DGKD: variants seen among roughly 807,000 people sequenced by gnomAD.
The protein encoded by DGKD is diacylglycerol kinase delta, also known as DAG kinase delta.
In DGKD, 68 loss-of-function variants were observed where a neutral mutation model predicts 154.4. The ratio of observed to expected loss-of-function variants is 0.44; its 90% confidence interval spans 0.36 to 0.54. DGKD has a LOEUF of 0.54. DGKD is among the 20% of genes least tolerant of loss of function. The pLI is 0.00. For synonymous variants in DGKD, 693 were observed against 638.0 expected, an observed-to-expected ratio of 1.09 and a Z score of -1.30; for missense variants, 1,343 against 1,593.6, an observed-to-expected ratio of 0.84 and a Z score of 2.68.
chr2:233,440,710 G>C lies in DGKD; in HGVS notation c.1086-1177G>C, dbSNP rs577630145. Among the ~76,000 whole-genome samples the C allele has an allele frequency of 6.6e-6, 1 of 152,332 alleles. No individual in the cohort carries two copies. Among genetic ancestry groups the C allele is most frequent in the Non-Finnish European group, 1.5e-5 (1 of 68,032 alleles). ...GCCGTCAGGGAGGGCTGCGGGTGCT[G>C]GCCAAGAGGTTCGACTCCTTCCTGC... On this transcript the variant is annotated intron_variant, in intron 9 of 29. Transcript: ENST00000264057. The surrounding 1 kb of genome is among the most constrained non-coding windows in gnomAD (Gnocchi z 4.9).
rs1054587159 is a variant in DGKD, at chr2:233,469,529, G to T, written c.*69G>T. 1.4e-6 allele frequency: 2 copies of T among 1,405,808 alleles called. No homozygotes were observed. 87.1% of individuals were successfully genotyped at this position (1,405,808 alleles called of 1,614,324 possible). ...GGCCTAGCCTCCGCCCTCTCAGCCT[G>T]TGGCCTCTGCGCCTCCTGCCACTGA... On this transcript the variant is annotated 3_prime_UTR_variant, in exon 30 of 30. Transcript: ENST00000264057.
chr2:233,437,465 G>C lies in DGKD; in HGVS notation c.908G>C (p.Ser303Thr). 1 of 1,614,050 alleles carries C rather than the reference G, an allele frequency of 6.2e-7. No individual in the cohort carries two copies. The highest frequency in any genetic ancestry group is 8.5e-7 in the Non-Finnish European group (1 of 1,179,906). The change falls in exon 8 of 30, where the codon AGC (serine) becomes ACC (threonine). Residue 303 changes from serine (S) to threonine (T), a missense_variant. Around this residue, in one of 6 missense-constraint regions of DGKD, gnomAD observed 332 missense variants for 400.1 expected, o/e 0.83. Transcript: ENST00000264057. ...VSVIPPTALNSIDSDGFWKAS... is the reference protein window; with the variant it reads ...VSVIPPTALNTIDSDGFWKAS... ...GTCATCCCACCCACGGCTCTCAACAGCATCGACTCCGATGGTGGGTACCAC... is the reference window on the plus strand; with the variant it reads ...GTCATCCCACCCACGGCTCTCAACACCATCGACTCCGATGGTGGGTACCAC...
chr2:233,368,960 A>G (rs1005696688), intron 1 of DGKD, among the ~76,000 whole-genome samples: 16 of 152,284 alleles, frequency 1.1e-4, no homozygotes, highest in African/African-American at 3.4e-4. Context: ...ATTGCTGCCC[A>G]TTTCCTGCCA....
chr2:233,437,703 G>A (rs562999062), intron 8 of DGKD, among the ~76,000 whole-genome samples: 13 of 152,326 alleles, frequency 8.5e-5, no homozygotes, highest in Non-Finnish European at 1.3e-4. Flanking sequence ...GGCACTTGAC[G>A]TGGAGGTGAT....
chr2:233,417,767 G>A (rs2061995077), intron 3 of DGKD, among the ~76,000 whole-genome samples: 1 of 152,156 alleles, frequency 6.6e-6, no homozygotes, highest in Non-Finnish European at 1.5e-5. Flanking sequence ...TAGGGATAAG[G>A]CAGTGGGGGA....
intron 3 of DGKD, among the ~76,000 whole-genome samples, chr2:233,400,301 A>AGG (rs2061528001): frequency 6.6e-6 from 1 of 152,248 alleles, no homozygotes; most frequent in Non-Finnish European, 1.5e-5. Context: ...TGTCTACAGG[A>AGG]CAGCGGGAGG....
chr2:233,444,352 G>A (rs932912356), intron 10 of DGKD, among the ~76,000 whole-genome samples: 2 of 152,110 alleles, frequency 1.3e-5, no homozygotes, highest in East Asian at 1.9e-4. Flanking sequence ...TCACCCAGGC[G>A]ACCTTTCCCG....
Position 233,458,416 on chromosome 2 carries a change from G to A in DGKD, c.2694+19G>A. On this transcript the variant is annotated intron_variant, in intron 22 of 29. Transcript: ENST00000264057. This position sits in a 1 kb window ranked among gnomAD's most constrained non-coding sequence, Gnocchi z 6.6. ...CGCCCAGGTAGTGGCCATGGTCCTG[G>A]GGTGTCTGGCCGAGTCCCCAGCCCG... The A allele has an allele frequency of 6.3e-7, 1 of 1,583,380 alleles. No homozygotes were observed. Among genetic ancestry groups the A allele is most frequent in the Non-Finnish European group, 8.6e-7 (1 of 1,161,084 alleles).
chr2:233,413,566 G>A (rs902376125), intron 3 of DGKD, among the ~76,000 whole-genome samples: 2 of 152,144 alleles, frequency 1.3e-5, no homozygotes, highest in African/African-American at 4.8e-5. Flanking sequence ...CAGCGCCCCC[G>A]AACCATGCCT....
At chr2:233,397,810 G>GA (rs889477077) in intron 3 of DGKD, among the ~76,000 whole-genome samples, 4 of 151,942 alleles carry the variant, frequency 2.6e-5, no homozygotes, top group African/African-American at 9.7e-5. Flanking sequence ...GTGTCTAGGG[G>GA]GCAGTGGGCA....
Position 233,446,772 on chromosome 2 carries a change from C to G in DGKD, c.1395C>G (p.Thr465=), listed in dbSNP as rs138695274. The part of the protein sequence containing the change: ...LPRQASSSTV[T]EDFSEDSEVQ... Reference sequence around the variant, plus strand: ...GGCAGGCCTCCTCCTCTACCGTCACCGAAGACTTCAGCGAGGATTCCGAGG... The same window carrying G: ...GGCAGGCCTCCTCCTCTACCGTCACGGAAGACTTCAGCGAGGATTCCGAGG... The change falls in exon 12 of 30, where the codon ACC becomes ACG. Residue 465 remains threonine, a synonymous_variant. Coordinates refer to ENST00000264057, the MANE Select transcript of DGKD (RefSeq NM_152879.3). The G allele has an allele frequency of 1.9e-6, 3 of 1,614,206 alleles. No individual in the cohort carries two copies. Among genetic ancestry groups the G allele is most frequent in the Non-Finnish European group, 2.5e-6 (3 of 1,180,040 alleles).
chr2:233,460,709 T>G (rs1240419181), intron 24 of DGKD, among the ~76,000 whole-genome samples: 1 of 152,096 alleles, frequency 6.6e-6, no homozygotes, highest in Non-Finnish European at 1.5e-5. Context: ...GCTAACATGG[T>G]GAAACCCCGT....
Position 233,434,288 on chromosome 2 carries a change from ATG to A in DGKD, c.349-90_349-89del, listed in dbSNP as rs2062619683. Reference sequence around the variant, plus strand: ...ATACCTGAATGAAATAGTAATTTTTATGTCTGTGTGAGGTCGGTTTTAAGAAA... The same window carrying A: ...ATACCTGAATGAAATAGTAATTTTTATCTGTGTGAGGTCGGTTTTAAGAAA... On this transcript the variant is annotated intron_variant, in intron 3 of 29. Transcript: ENST00000264057. 14 of 908,630 alleles carry A rather than the reference ATG, an allele frequency of 1.5e-5. No homozygotes were observed. The South Asian group carries it at 2.3e-4, about 15-fold the overall frequency. 56.3% of individuals were successfully genotyped at this position (908,630 alleles called of 1,614,324 possible).
At chr2:233,378,463 T>C (rs1347074801) in intron 1 of DGKD, among the ~76,000 whole-genome samples, 1 of 151,410 alleles carries the variant, frequency 6.6e-6, no homozygotes, top group African/African-American at 2.4e-5. Context: ...TTGCCTAGGC[T>C]GGTCTCAAAC....
At chr2:233,427,645 T>C (rs753218107) in intron 3 of DGKD, among the ~76,000 whole-genome samples, 2 of 152,260 alleles carry the variant, frequency 1.3e-5, no homozygotes, top group Non-Finnish European at 2.9e-5. Flanking sequence ...CCCAGCCTTA[T>C]TGCCCTGCTT....
chr2:233,370,908 T>A (rs1487635939), intron 1 of DGKD, among the ~76,000 whole-genome samples: 4 of 152,066 alleles, frequency 2.6e-5, no homozygotes, highest in Non-Finnish European at 5.9e-5. Context: ...TGTGCCACCA[T>A]GCCTGGCTAA....
intron 10 of DGKD, among the ~76,000 whole-genome samples, chr2:233,442,983 C>T (rs1034498086): frequency 6.6e-6 from 1 of 152,152 alleles, no homozygotes; most frequent in African/African-American, 2.4e-5. Context: ...ATCTGTGTGT[C>T]GTTTTCCACT....
intron 3 of DGKD, among the ~76,000 whole-genome samples, chr2:233,430,246 C>T (rs762167144): frequency 1.4e-4 from 21 of 152,162 alleles, no homozygotes; most frequent in Non-Finnish European, 2.9e-4. Context: ...CCCAGAGATA[C>T]ACTGGTAAAA....
rs1415641298 is a variant in DGKD at position 233,448,115 on chromosome 2, C to T, written c.1448C>T (p.Ser483Leu). ...EVQQILFYED[S>L]VAAHLSKILT... ...CAGCAGATTCTCTTCTATGAAGACT[C>T]GGTTGCAGCCCACCTTTCTAAAATC... The change falls in exon 13 of 30, where the codon TCG becomes TTG. Residue 483 changes from serine to leucine, a missense_variant. Physicochemically the swap from Ser to Leu is moderately radical, Grantham distance 145. This residue lies in a region of DGKD where 409 missense variants were observed against 446.0 expected (regional missense o/e 0.92). Transcript: ENST00000264057. The T allele has an allele frequency of 7.4e-6, 12 of 1,613,958 alleles. No homozygotes were observed. The highest frequency in any genetic ancestry group is 1.6e-4 in the Middle Eastern group (1 of 6,084).
Sources: gnomAD v4.1 joint callset for allele counts (sites outside exome capture counted in the v4.1 genomes callset) on GRCh38, gnomAD v4.1.1 for gene constraint, gnomAD v4.1.1 regional missense constraint, Gnocchi (gnomAD v3.1) non-coding constraint, MANE v1.5 for transcripts, NCBI Gene and HGNC (gene_info 2026-07-23, HGNC 2026-07-21) for gene names.